JAKMIP1: variants seen among roughly 807,000 people sequenced by gnomAD.
The protein encoded by JAKMIP1 is janus kinase and microtubule-interacting protein 1.
Under a neutral mutation model 113.0 loss-of-function variants are expected in JAKMIP1, and 33 were observed. That is an observed-to-expected ratio of 0.29 (90% CI 0.22 to 0.39). The LOEUF (loss-of-function observed/expected upper bound fraction) is 0.39, where lower values mean the gene tolerates loss of function less well. JAKMIP1 is among the 10% of genes least tolerant of loss of function. The probability of loss-of-function intolerance (pLI) is 1.00; values close to 1 mark genes in which losing one functional copy is unlikely to be tolerated. For synonymous variants in JAKMIP1, 480 were observed against 459.9 expected (o/e 1.04, Z -0.56); for missense variants, 813 against 1,080.5 (o/e 0.75, Z 3.47).
chr4:6,083,627 A>G (rs1447995480), intron 5 of JAKMIP1, among the ~76,000 whole-genome samples: 1 of 152,090 alleles, frequency 6.6e-6, no homozygotes, highest in Admixed American at 6.5e-5. Context: ...AAAACATTTA[A>G]AAATACTGGA....
rs186485191 is a variant in JAKMIP1 at position 6,089,077 on chromosome 4, G to A, written c.625-3448C>T. Among the ~76,000 whole-genome samples the A allele has an allele frequency of 6.6e-6, 1 of 152,320 alleles. No individual in the cohort carries two copies. The highest frequency in any genetic ancestry group is 2.4e-5 in the African/African-American group (1 of 41,568). ...CCTCCTGTTTTTCTTTAGGAGCTAAGAAAGGGACTCTGGGCTGTGTGGTGT... is the reference window on the plus strand; with the variant it reads ...CCTCCTGTTTTTCTTTAGGAGCTAAAAAAGGGACTCTGGGCTGTGTGGTGT... On this transcript the variant is annotated intron_variant, in intron 3 of 20. Transcript: ENST00000409021. The surrounding 1 kb of genome is among the most constrained non-coding windows in gnomAD (Gnocchi z 5.3).
chr4:6,052,989 C>T (rs960388543), intron 13 of JAKMIP1, among the ~76,000 whole-genome samples: 1 of 152,088 alleles, frequency 6.6e-6, no homozygotes, highest in Non-Finnish European at 1.5e-5. Context: ...TAACTCAAGC[C>T]GGCAGGAGAA....
At chr4:6,085,981 G>A (rs1721238618) in intron 3 of JAKMIP1, among the ~76,000 whole-genome samples, 1 of 151,672 alleles carries the variant, frequency 6.6e-6, no homozygotes, top group African/African-American at 2.4e-5. Context: ...TGGCAGAGCT[G>A]GCTTCTCTCT....
At position 6,140,560 on chromosome 4, in the gene JAKMIP1, C is replaced by T. The variant is rs374836371; in HGVS notation, c.-147-27563G>A. Reference sequence around the variant, plus strand: ...CTGCAGGGTCAGAGGGAAGTCGGCCCGCTAGGTGACAGTGGTTCACAGCGT... The same window carrying T: ...CTGCAGGGTCAGAGGGAAGTCGGCCTGCTAGGTGACAGTGGTTCACAGCGT... On this transcript the variant is annotated intron_variant, in intron 1 of 20. Transcript: ENST00000409021. The surrounding 1 kb of genome is among the most constrained non-coding windows in gnomAD (Gnocchi z 9.4). Among the ~76,000 whole-genome samples the T allele has an allele frequency of 1.2e-4, 19 of 152,206 alleles. No homozygotes were observed. The highest frequency in any genetic ancestry group is 1.9e-4 in the East Asian group (1 of 5,170).
At chr4:6,170,543 C>A (rs1266374563) in intron 1 of JAKMIP1, among the ~76,000 whole-genome samples, 1 of 150,222 alleles carries the variant, frequency 6.7e-6, no homozygotes, top group Non-Finnish European at 1.5e-5. Context: ...ACCACCACCA[C>A]CTCCATCACC....
intron 5 of JAKMIP1, among the ~76,000 whole-genome samples, chr4:6,083,632 A>C (rs1021359658): frequency 6.6e-6 from 1 of 152,018 alleles, no homozygotes; most frequent in Non-Finnish European, 1.5e-5. Context: ...ATTTAAAAAT[A>C]CTGGAAGGAA....
At chr4:6,026,472 C>T (rs1289614323) in intron 20 of JAKMIP1, among the ~76,000 whole-genome samples, 194 bp from the exon 21 acceptor site, 2 of 152,098 alleles carry the variant, frequency 1.3e-5, no homozygotes, top group Non-Finnish European at 2.9e-5. Flanking sequence ...ATCCTGGGGT[C>T]TTCCACACTC....
At chr4:6,111,486 T>A (rs1177384667) in intron 2 of JAKMIP1, among the ~76,000 whole-genome samples, 1 of 152,180 alleles carries the variant, frequency 6.6e-6, no homozygotes, top group East Asian at 1.9e-4. Context: ...GGGCACCAGA[T>A]GTTGATGGGG....
In JAKMIP1 at chr4:6,188,606, C is replaced by G. The variant is rs1348932612; in HGVS notation, c.-148+11647G>C. Among the ~76,000 whole-genome samples, 1 of 152,158 alleles carries G rather than the reference C, an allele frequency of 6.6e-6. No individual in the cohort carries two copies. ...AGCTACAACCCAGGAGCAAATGAAT[C>G]GTGAAATTCCAAATTAGCAACTTAT... On this transcript the variant is annotated intron_variant, in intron 1 of 20. Transcript: ENST00000409021. The surrounding 1 kb of genome is among the most constrained non-coding windows in gnomAD (Gnocchi z 5.8).
In JAKMIP1 at chr4:6,187,571, A is replaced by C. The variant is rs1365522925; in HGVS notation, c.-148+12682T>G. 2.0e-5 allele frequency among the ~76,000 whole-genome samples: 3 copies of C among 152,254 alleles called. No homozygotes were observed. The highest frequency in any genetic ancestry group is 4.4e-5 in the Non-Finnish European group (3 of 68,036). On this transcript the variant is annotated intron_variant, in intron 1 of 20. Transcript: ENST00000409021. This position sits in a 1 kb window ranked among gnomAD's most constrained non-coding sequence, Gnocchi z 4.2. Reference sequence around the variant, plus strand: ...AAAAGAAACCCTAGGGAGCTAGCTCACCCCTTCCACCATGTGAAAACACAG... The same window carrying C: ...AAAAGAAACCCTAGGGAGCTAGCTCCCCCCTTCCACCATGTGAAAACACAG...
At chr4:6,062,945 C>T (rs536268134) in intron 9 of JAKMIP1, among the ~76,000 whole-genome samples, 179 of 152,332 alleles carry the variant, frequency 1.2e-3, no homozygotes, top group Non-Finnish European at 2.3e-3. Flanking sequence ...GAGTTTGAGA[C>T]TAGCCTGGCC....
chr4:6,055,318 C>T (rs1317636367), intron 12 of JAKMIP1, among the ~76,000 whole-genome samples: 2 of 152,226 alleles, frequency 1.3e-5, no homozygotes, highest in Admixed American at 6.5e-5. Flanking sequence ...AACTGCATTG[C>T]GGTGATGGTT....
chr4:6,187,641 T>C lies in JAKMIP1; in HGVS notation c.-148+12612A>G, dbSNP rs1247856163. Among the ~76,000 whole-genome samples, 2 of 152,238 alleles carry C rather than the reference T, an allele frequency of 1.3e-5. No individual in the cohort carries two copies. The highest frequency in any genetic ancestry group is 4.8e-5 in the African/African-American group (2 of 41,464). On this transcript the variant is annotated intron_variant, in intron 1 of 20. Transcript: ENST00000409021. This position sits in a 1 kb window ranked among gnomAD's most constrained non-coding sequence, Gnocchi z 4.2. ...GGGGAGGCAGGGCCTCACCAGACAC[T>C]GAATCTGCCGGTACCTTGATCTTGG...
chr4:6,162,438 A>G lies in JAKMIP1; in HGVS notation c.-148+37815T>C, dbSNP rs2358577. On this transcript the variant is annotated intron_variant, in intron 1 of 20. Coordinates refer to ENST00000409021, the MANE Select transcript of JAKMIP1 (RefSeq NM_001099433.2). This position sits in a 1 kb window ranked among gnomAD's most constrained non-coding sequence, Gnocchi z 5.6. ...TGGGGAAGTCACCTCCAGAGGCCAC[A>G]TGAGCCAAGTGACAGGGGCAGATGG... 0.66 allele frequency among the ~76,000 whole-genome samples: 100,647 copies of G among 152,030 alleles called. 33,503 individuals are homozygous for G. Among genetic ancestry groups the G allele is most frequent in the East Asian group, 0.79 (4,055 of 5,138 alleles).
intron 1 of JAKMIP1, among the ~76,000 whole-genome samples, chr4:6,128,648 A>G (rs1220365966): frequency 6.6e-6 from 1 of 152,110 alleles, no homozygotes; most frequent in Non-Finnish European, 1.5e-5. Flanking sequence ...TCCTCCGTCC[A>G]TTCCCTCCGG....
rs1054641109 is a variant in JAKMIP1 at position 6,061,197 on chromosome 4, T to C, written c.1561-690A>G. On this transcript the variant is annotated intron_variant, in intron 10 of 20. Coordinates refer to ENST00000409021, the MANE Select transcript of JAKMIP1 (RefSeq NM_001099433.2). This position sits in a 1 kb window ranked among gnomAD's most constrained non-coding sequence, Gnocchi z 5.3. The stretch of plus-strand genomic sequence containing the variant: ...GATTTCTCTATAGAATCTCTTGATT[T>C]TTAAATGTTGGCAAGTAGATGAAAT... Among the ~76,000 whole-genome samples, 17 of 152,254 alleles carry C rather than the reference T, an allele frequency of 1.1e-4. No individual in the cohort carries two copies. The highest frequency in any genetic ancestry group is 2.6e-4 in the Admixed American group (4 of 15,286).
chr4:6,152,488 G>C (rs943200759), intron 1 of JAKMIP1, among the ~76,000 whole-genome samples: 1 of 152,136 alleles, frequency 6.6e-6, no homozygotes, highest in African/African-American at 2.4e-5. Flanking sequence ...GTGTCCGCAC[G>C]AATAAAAGGC....
intron 2 of JAKMIP1, 107 bp downstream of exon 2, chr4:6,112,615 C>T (rs988669409): frequency 4.4e-5 from 61 of 1,375,748 alleles, no homozygotes; most frequent in African/African-American, 1.4e-4. Flanking sequence ...AGTGCCCCCC[C>T]TCGGCCCCCC....
intron 3 of JAKMIP1, among the ~76,000 whole-genome samples, chr4:6,096,931 A>G (rs1286568299): frequency 6.6e-6 from 1 of 152,196 alleles, no homozygotes; most frequent in Non-Finnish European, 1.5e-5. Context: ...TCGGAAGGCA[A>G]AGTTCTCACT....
Sources: allele counts gnomAD v4.1 joint callset (sites outside exome capture counted in the v4.1 genomes callset), GRCh38; gene constraint gnomAD v4.1.1; non-coding constraint Gnocchi (gnomAD v3.1); transcripts MANE v1.5; gene names NCBI Gene and HGNC (gene_info 2026-07-23, HGNC 2026-07-21).